TBCD: variants seen among roughly 807,000 people sequenced by gnomAD.
The protein encoded by TBCD is tubulin-specific chaperone D.
A neutral mutation model predicts 169.3 loss-of-function variants in TBCD; 105 were observed. That is an observed-to-expected ratio of 0.62 (90% CI 0.53 to 0.73). The LOEUF is 0.73. TBCD is among the 30% of genes least tolerant of loss of function. TBCD has a pLI of 0.00. For synonymous variants in TBCD, 700 were observed against 643.9 expected (o/e 1.09, Z -1.32); for missense variants, 1,444 against 1,600.1 (o/e 0.90, Z 1.66).
At chr17:82,937,877 G>A in intron 35 of TBCD, 172 bp from the exon 36 acceptor site, 1 of 1,517,002 alleles carries the variant, frequency 6.6e-7, no homozygotes, top group Non-Finnish European at 8.8e-7. Flanking sequence ...CGTGTGTGTA[G>A]GCACAGTGCA....
intron 17 of TBCD, among the ~76,000 whole-genome samples, chr17:82,898,165 G>A (rs1397131660): frequency 3.3e-5 from 5 of 149,254 alleles, no homozygotes; most frequent in African/African-American, 1.0e-4. Flanking sequence ...GTGGGTTTTG[G>A]TGGGAGCACA....
intron 7 of TBCD, among the ~76,000 whole-genome samples, chr17:82,787,505 T>C (rs936045653): frequency 2.6e-5 from 4 of 152,226 alleles, no homozygotes; most frequent in African/African-American, 7.2e-5. Context: ...CTGATCCAGG[T>C]TGCCTCAGCA....
chr17:82,863,539 G>A (rs373174290), intron 13 of TBCD, among the ~76,000 whole-genome samples: 3 of 152,212 alleles, frequency 2.0e-5, no homozygotes, highest in Admixed American at 6.5e-5. Flanking sequence ...TACTGTGTGC[G>A]GGTAGGGTGC....
rs751671021 is a variant in TBCD, at chr17:82,889,636, C to T, written c.1534-32C>T. ...CTGGTGTTGGCGGAAGCTGACCTCG[C>T]TCACCTGCTGTGTTTGTTCTTTGCT... On this transcript the variant is annotated intron_variant, in intron 15 of 38. Transcript: ENST00000355528. The surrounding 1 kb of genome is among the most constrained non-coding windows in gnomAD (Gnocchi z 5.3). The T allele has an allele frequency of 4.0e-5, 64 of 1,613,726 alleles. No homozygotes were observed. Among genetic ancestry groups the T allele is most frequent in the Middle Eastern group, 1.7e-4 (1 of 6,018 alleles).
rs895293279 is a variant in TBCD at position 82,931,654 on chromosome 17, C to T, written c.3114-1004C>T. On this transcript the variant is annotated intron_variant, in intron 33 of 38. Coordinates refer to ENST00000355528, the MANE Select transcript of TBCD (RefSeq NM_005993.5). ...TAGAGCTGCAGGCAGTCTGTGTGTGCGAGCCTGTGGGTAGGTGTGCACAGC... is the reference window on the plus strand; with the variant it reads ...TAGAGCTGCAGGCAGTCTGTGTGTGTGAGCCTGTGGGTAGGTGTGCACAGC... Among the ~76,000 whole-genome samples the T allele has an allele frequency of 5.3e-5, 8 of 152,176 alleles. No individual in the cohort carries two copies. The East Asian group carries it at 9.6e-4, about 18-fold the overall frequency.
intron 14 of TBCD, among the ~76,000 whole-genome samples, chr17:82,875,132 G>A (rs1271159620): frequency 6.6e-6 from 1 of 152,176 alleles, no homozygotes; most frequent in Non-Finnish European, 1.5e-5. Context: ...TTGCCTCATG[G>A]TGTGAATTTA....
rs201988307 is a variant in TBCD at position 82,920,588 on chromosome 17, A to G, written c.2071A>G (p.Lys691Glu). 2.6e-6 allele frequency: 4 copies of G among 1,549,836 alleles called. No individual in the cohort carries two copies. The African/African-American group carries it at 5.5e-5, about 21-fold the overall frequency. The part of the protein sequence containing the change: ...CVLIEKLSLS[K>E]MPFRGDTVID... ...TTTAATAGAAAAGTTGTCACTTTCC[A>G]AAATGCCCTTTAGAGGTGACACCGT... is the stretch of plus-strand genomic sequence containing the variant. Residue 691 changes from lysine (K) to glutamate (E), a missense_variant, in exon 24 of 39, where the codon AAA (lysine) becomes GAA (glutamate). Coordinates refer to ENST00000355528, the MANE Select transcript of TBCD (RefSeq NM_005993.5). This position sits in a 1 kb window ranked among gnomAD's most constrained non-coding sequence, Gnocchi z 4.1.
chr17:82,764,670 T>C lies in TBCD; in HGVS notation c.333+608T>C, dbSNP rs373781613. Among the ~76,000 whole-genome samples, 11 of 152,374 alleles carry C rather than the reference T, an allele frequency of 7.2e-5. No homozygotes were observed. The South Asian group carries it at 1.2e-3, about 17-fold the overall frequency. ...AATGGAAGTGCTTCTCACACTTTAA[T>C]GTGCAGATGAATTTCCTGGGAATTT... is the stretch of plus-strand genomic sequence containing the variant. On this transcript the variant is annotated intron_variant, in intron 3 of 38. Transcript: ENST00000355528.
intron 14 of TBCD, among the ~76,000 whole-genome samples, chr17:82,882,072 C>T (rs1277566574): frequency 6.6e-6 from 1 of 152,234 alleles, no homozygotes. Flanking sequence ...CCCAAATCCC[C>T]ATCAGCAGAG....
chr17:82,880,639 C>T lies in TBCD; in HGVS notation c.1476-3506C>T, dbSNP rs1432267472. Among the ~76,000 whole-genome samples the T allele has an allele frequency of 6.6e-6, 1 of 151,932 alleles. No individual in the cohort carries two copies. Among genetic ancestry groups the T allele is most frequent in the Non-Finnish European group, 1.5e-5 (1 of 67,986 alleles). On this transcript the variant is annotated intron_variant, in intron 14 of 38. Coordinates refer to ENST00000355528, the MANE Select transcript of TBCD (RefSeq NM_005993.5). This position sits in a 1 kb window ranked among gnomAD's most constrained non-coding sequence, Gnocchi z 5.0. ...TCAGGGCAGGTAGCGGGTGGGCCTC[C>T]GTGGTGTTGGGAGGTGCTGGGCCCG...
chr17:82,916,057 G>T (rs1367971582), intron 23 of TBCD, among the ~76,000 whole-genome samples: 1 of 152,122 alleles, frequency 6.6e-6, no homozygotes, highest in Non-Finnish European at 1.5e-5. Flanking sequence ...TCTCTTTCTT[G>T]TTCCGTGGGA....
Position 82,915,460 on chromosome 17 carries a change from TG to T in TBCD, c.2038+3672del, listed in dbSNP as rs144193848. Among the ~76,000 whole-genome samples the T allele has an allele frequency of 8.7e-3, 1,329 of 152,190 alleles. 16 individuals carry two copies. The highest frequency in any genetic ancestry group is 0.031 in the African/African-American group (1,267 of 41,506). ...GCCTGAACTGAGCTGCTTCCCCCGG[TG>T]CCAGGAAGATGAGCGTCCCCTTGTC... is the stretch of plus-strand genomic sequence containing the variant. On this transcript the variant is annotated intron_variant, in intron 23 of 38. Transcript: ENST00000355528. The surrounding 1 kb of genome is among the most constrained non-coding windows in gnomAD (Gnocchi z 4.3).
At position 82,903,559 on chromosome 17, in the gene TBCD, G is replaced by A. The variant is rs960204305; in HGVS notation, c.1804+81G>A. 3.3e-5 allele frequency: 46 copies of A among 1,392,424 alleles called. No homozygotes were observed. The highest frequency in any genetic ancestry group is 4.2e-5 in the Admixed American group (2 of 47,674). 86.3% of individuals were successfully genotyped at this position (1,392,424 alleles called of 1,614,324 possible). On this transcript the variant is annotated intron_variant, in intron 19 of 38. Transcript: ENST00000355528. The surrounding 1 kb of genome is among the most constrained non-coding windows in gnomAD (Gnocchi z 4.8). ...TGGGTTGCTGGTTTCAAAGGCTGGG[G>A]GCTGAAAATAAGGTTGTGCTTCTGT...
intron 13 of TBCD, among the ~76,000 whole-genome samples, chr17:82,834,372 G>C (rs528325844): frequency 5.9e-5 from 9 of 152,176 alleles, no homozygotes; most frequent in Admixed American, 3.9e-4. Context: ...ATGGATCAAG[G>C]CTAAGCACTT....
Position 82,909,284 on chromosome 17 carries a change from G to T in TBCD, c.1984-1G>T. 3 of 1,516,430 alleles carry T rather than the reference G, an allele frequency of 2.0e-6. No individual in the cohort carries two copies. The highest frequency in any genetic ancestry group is 2.7e-6 in the Non-Finnish European group (3 of 1,118,170). The allele number at this position is 1,516,430 out of a possible 1,614,324, so 93.9% of individuals were successfully genotyped here. On this transcript the variant is annotated splice_acceptor_variant, in intron 21 of 38. Transcript: ENST00000355528. LOFTEE classifies it high-confidence loss of function. ...AATAACTTTCAGTTTTTTATTTTCA[G>T]CTCTATGATCGTCAGTTATACAGGT...
chr17:82,897,749 G>A (rs1447891025), intron 17 of TBCD, among the ~76,000 whole-genome samples: 2 of 152,174 alleles, frequency 1.3e-5, no homozygotes, highest in Non-Finnish European at 2.9e-5. Flanking sequence ...TTTAGAATCC[G>A]TGCAGGTAGC....
chr17:82,758,687 A>T (rs1341490433), intron 2 of TBCD, among the ~76,000 whole-genome samples: 10 of 72,452 alleles, frequency 1.4e-4, no homozygotes, highest in South Asian at 4.5e-4. Flanking sequence ...TTTGAGATGT[A>T]GTCTCTCTGT....
At chr17:82,938,733 C>G in intron 36 of TBCD, among the ~76,000 whole-genome samples, 1 of 151,964 alleles carries the variant, frequency 6.6e-6, no homozygotes, top group East Asian at 1.9e-4. Flanking sequence ...CAGGGCACCA[C>G]TCAAAAAGAG....
intron 13 of TBCD, among the ~76,000 whole-genome samples, chr17:82,851,157 T>C (rs2055755687): frequency 6.6e-6 from 1 of 152,160 alleles, no homozygotes; most frequent in Non-Finnish European, 1.5e-5. Flanking sequence ...GCTCACAAAG[T>C]AATGAAATTA....
Sources: gnomAD v4.1 joint callset for allele counts (sites outside exome capture counted in the v4.1 genomes callset) on GRCh38, gnomAD v4.1.1 for gene constraint, Gnocchi (gnomAD v3.1) non-coding constraint, MANE v1.5 for transcripts, NCBI Gene and HGNC (gene_info 2026-07-23, HGNC 2026-07-21) for gene names.